Variants in SLC4A4 observed in about 807,000 individuals in gnomAD.
SLC4A4 encodes electrogenic sodium bicarbonate cotransporter 1.
Under a neutral mutation model 111.5 loss-of-function variants are expected in SLC4A4, and 27 were observed. The observed-to-expected ratio is 0.24, with a 90% CI of 0.18 to 0.33. SLC4A4 has a LOEUF of 0.33. Among genes scored for constraint, SLC4A4 ranks in the 10% least tolerant of loss-of-function variants. The pLI is 1.00. For synonymous variants in SLC4A4, 443 were observed against 463.4 expected (o/e 0.96, Z 0.57); for missense variants, 909 against 1,315.5 (o/e 0.69, Z 4.78).
chr4:71,143,249 T>A (rs1383848663), intron 2 of SLC4A4, among the ~76,000 whole-genome samples: 1 of 152,180 alleles, frequency 6.6e-6, no homozygotes, highest in Non-Finnish European at 1.5e-5. Flanking sequence ...GTTTCCAGCT[T>A]CATCCATGTC....
At chr4:71,309,205 C>A (rs1391761064) in intron 3 of SLC4A4, among the ~76,000 whole-genome samples, 1 of 152,186 alleles carries the variant, frequency 6.6e-6, no homozygotes, top group Non-Finnish European at 1.5e-5. Flanking sequence ...AAGGCAAGAG[C>A]CCCAGTCAGG....
chr4:71,398,637 A>T (rs915992575), intron 7 of SLC4A4, among the ~76,000 whole-genome samples: 13 of 152,184 alleles, frequency 8.5e-5, no homozygotes, highest in Admixed American at 4.6e-4. Context: ...AAATCCTAAG[A>T]CTGTTTCCCC....
intron 2 of SLC4A4, among the ~76,000 whole-genome samples, chr4:71,177,843 C>T (rs192653885): frequency 1.6e-4 from 25 of 152,260 alleles, no homozygotes; most frequent in Middle Eastern, 3.4e-3. Context: ...TAGATATCTA[C>T]GGAACTCTCC....
chr4:71,172,643 T>C (rs1324335036), intron 2 of SLC4A4, among the ~76,000 whole-genome samples: 1 of 152,278 alleles, frequency 6.6e-6, no homozygotes, highest in Non-Finnish European at 1.5e-5. Flanking sequence ...AAGAGATATG[T>C]TGGCCTTTGC....
intron 7 of SLC4A4, among the ~76,000 whole-genome samples, chr4:71,427,806 C>T (rs1723280886): frequency 1.3e-5 from 2 of 152,122 alleles, no homozygotes; most frequent in African/African-American, 4.8e-5. Flanking sequence ...TACAACCATC[C>T]ACACAGAATC....
chr4:71,338,005 A>G (rs981841120), intron 3 of SLC4A4, among the ~76,000 whole-genome samples: 1 of 151,298 alleles, frequency 6.6e-6, no homozygotes, highest in African/African-American at 2.4e-5. Flanking sequence ...AATTTTTTGT[A>G]TTTTTTTAGT....
chr4:71,445,683 G>A (rs573911929), intron 8 of SLC4A4, among the ~76,000 whole-genome samples: 5 of 152,088 alleles, frequency 3.3e-5, no homozygotes, highest in Non-Finnish European at 2.9e-5. Flanking sequence ...ACCATCTGTA[G>A]TCAGGCAAAC....
At chr4:71,385,554 G>A (rs1241940527) in intron 6 of SLC4A4, among the ~76,000 whole-genome samples, 2 of 151,874 alleles carry the variant, frequency 1.3e-5, no homozygotes, top group Admixed American at 6.6e-5. Flanking sequence ...CTATCAGTTT[G>A]TTCTAATGTT....
intron 9 of SLC4A4, among the ~76,000 whole-genome samples, chr4:71,448,632 T>C (rs1725477953): frequency 2.6e-5 from 4 of 152,212 alleles, no homozygotes. Flanking sequence ...ACAGCCTGGA[T>C]GTTACATGCA....
rs376854506 is a variant in SLC4A4, at chr4:71,466,459, T to C, written c.1513T>C (p.Phe505Leu). 6 of 1,613,648 alleles carry C rather than the reference T, an allele frequency of 3.7e-6. No homozygotes were observed. Among genetic ancestry groups the C allele is most frequent in the Non-Finnish European group, 4.2e-6 (5 of 1,179,674 alleles). ...TTTATTTTAGGGCGTGTTGGAGAGT[T>C]TCCTGGGCACTGCTGTCTCTGGAGC... ...TDNMQGVLES[F>L]LGTAVSGAIF... Residue 505 changes from phenylalanine (F) to leucine (L), a missense_variant, in exon 13 of 26, where the codon TTC (phenylalanine) becomes CTC (leucine). This residue lies in a region of SLC4A4 where 23 missense variants were observed against 77.7 expected (regional missense o/e 0.30). Coordinates refer to ENST00000264485, the MANE Select transcript of SLC4A4 (RefSeq NM_001098484.3).
chr4:71,135,073 G>A (rs1743806506), intron 2 of SLC4A4, among the ~76,000 whole-genome samples: 1 of 152,214 alleles, frequency 6.6e-6, no homozygotes, highest in East Asian at 1.9e-4. Flanking sequence ...GAATAAAGCT[G>A]TTCTTTAGCA....
At chr4:71,341,981 C>T (rs1372436069) in intron 4 of SLC4A4, among the ~76,000 whole-genome samples, 1 of 152,098 alleles carries the variant, frequency 6.6e-6, no homozygotes, top group Non-Finnish European at 1.5e-5. Context: ...TTTTTAAATA[C>T]TTTATTTTCA....
chr4:71,347,191 G>T lies in SLC4A4; in HGVS notation c.390-2721G>T, dbSNP rs144618624. On this transcript the variant is annotated intron_variant, in intron 4 of 25. Coordinates refer to ENST00000264485, the MANE Select transcript of SLC4A4 (RefSeq NM_001098484.3). ...AGTCATATTTAAGTCTAACCAGGTT[G>T]CCTACAATATAAACTATGGAGAGGA... 3.8e-3 allele frequency among the ~76,000 whole-genome samples: 581 copies of T among 151,950 alleles called. 4 individuals carry two copies. The highest frequency in any genetic ancestry group is 0.013 in the African/African-American group (559 of 41,450).
At chr4:71,524,129 A>G (rs1733208322) in intron 16 of SLC4A4, among the ~76,000 whole-genome samples, 1 of 152,162 alleles carries the variant, frequency 6.6e-6, no homozygotes, top group Non-Finnish European at 1.5e-5. Flanking sequence ...GTTGAAGACA[A>G]ATTCTCCCTG....
intron 1 of SLC4A4, among the ~76,000 whole-genome samples, chr4:71,064,712 A>G (rs1741471394): frequency 6.6e-6 from 1 of 152,212 alleles, no homozygotes; most frequent in African/African-American, 2.4e-5. Flanking sequence ...GTCACGTATT[A>G]GGGCAGCCTC....
intron 19 of SLC4A4, 51 bp from the exon 20 acceptor site, chr4:71,547,596 GC>G: frequency 7.1e-7 from 1 of 1,415,636 alleles, no homozygotes; most frequent in Non-Finnish European, 1.0e-6. Context: ...AAAGACAAGA[GC>G]ATGTTTATGA....
At chr4:71,379,705 A>G (rs1219280298) in intron 6 of SLC4A4, among the ~76,000 whole-genome samples, 1 of 152,206 alleles carries the variant, frequency 6.6e-6, no homozygotes, top group East Asian at 1.9e-4. Context: ...ACGCTTAGAC[A>G]AACATTCTGA....
intron 1 of SLC4A4, among the ~76,000 whole-genome samples, chr4:71,217,083 T>C (rs1718474194): frequency 6.6e-6 from 1 of 152,188 alleles, no homozygotes; most frequent in East Asian, 1.9e-4. Context: ...GGACAAGATG[T>C]GGAGAATAAG....
At chr4:71,382,571 AT>A (rs796938573) in intron 6 of SLC4A4, among the ~76,000 whole-genome samples, 12 of 152,352 alleles carry the variant, frequency 7.9e-5, no homozygotes, top group African/African-American at 2.9e-4. Flanking sequence ...AGTTTACCAC[AT>A]AAAAATGAGC....
Sources: allele counts gnomAD v4.1 joint callset (sites outside exome capture counted in the v4.1 genomes callset), GRCh38; gene constraint gnomAD v4.1.1; regional missense constraint gnomAD v4.1.1; transcripts MANE v1.5; gene names NCBI Gene and HGNC (gene_info 2026-07-23, HGNC 2026-07-21).